The following NKAIN3 variants were observed in gnomAD, a reference collection of about 807,000 sequenced individuals.
NKAIN3 encodes sodium/potassium-transporting ATPase subunit beta-1-interacting protein 3.
In NKAIN3, 25 loss-of-function variants were observed where a neutral mutation model predicts 30.2. That is an observed-to-expected ratio of 0.83 (90% confidence interval 0.60 to 1.16). The LOEUF is 1.16. NKAIN3 is among the 50% of genes most tolerant of loss of function. The pLI is 0.00. For synonymous variants in NKAIN3, 91 were observed against 89.6 expected (o/e 1.02, Z -0.09); for missense variants, 225 against 254.1 (o/e 0.89, Z 0.78).
At chr8:62,829,540 T>C (rs1365040472) in intron 4 of NKAIN3, among the ~76,000 whole-genome samples, 1 of 152,048 alleles carries the variant, frequency 6.6e-6, no homozygotes, top group African/African-American at 2.4e-5. Context: ...AAGGATAAAT[T>C]CTAAATGGGC....
intron 3 of NKAIN3, among the ~76,000 whole-genome samples, chr8:62,649,300 G>A (rs1418080010): frequency 6.6e-6 from 1 of 152,120 alleles, no homozygotes; most frequent in Non-Finnish European, 1.5e-5. Flanking sequence ...TGGGTTGAGT[G>A]AATTCCACCC....
At chr8:62,620,487 C>A (rs1429534907) in intron 3 of NKAIN3, among the ~76,000 whole-genome samples, 1 of 152,028 alleles carries the variant, frequency 6.6e-6, no homozygotes, top group Non-Finnish European at 1.5e-5. Context: ...AGTATATTAG[C>A]AATTTCCTCA....
chr8:62,551,821 A>T (rs544884725), intron 1 of NKAIN3, among the ~76,000 whole-genome samples: 1 of 152,194 alleles, frequency 6.6e-6, no homozygotes, highest in African/African-American at 2.4e-5. Flanking sequence ...TATCAGAGAT[A>T]TTTCTGGCCA....
intron 4 of NKAIN3, among the ~76,000 whole-genome samples, chr8:62,826,065 G>A (rs1276032459): frequency 1.3e-5 from 2 of 152,176 alleles, no homozygotes; most frequent in Admixed American, 6.5e-5. Flanking sequence ...CCTAATCATC[G>A]AGTCACGTAC....
chr8:62,856,847 A>C, intron 4 of NKAIN3: 1 of 603,826 alleles, frequency 1.7e-6, no homozygotes, highest in Non-Finnish European at 3.1e-6. Flanking sequence ...AAGAGATCTC[A>C]AACACTGTTT....
chr8:62,463,601 G>T (rs1400469652), intron 1 of NKAIN3, among the ~76,000 whole-genome samples: 1 of 152,066 alleles, frequency 6.6e-6, no homozygotes, highest in Non-Finnish European at 1.5e-5. Flanking sequence ...CTGAATCTTT[G>T]TCCCTAAATG....
At chr8:62,472,419 C>T (rs1806382148) in intron 1 of NKAIN3, among the ~76,000 whole-genome samples, 1 of 152,056 alleles carries the variant, frequency 6.6e-6, no homozygotes, top group Non-Finnish European at 1.5e-5. Context: ...TTATTTATCT[C>T]AAAACAAGGG....
chr8:62,700,011 TC>T (rs1814282540), intron 3 of NKAIN3, among the ~76,000 whole-genome samples: 1 of 152,130 alleles, frequency 6.6e-6, no homozygotes, highest in Non-Finnish European at 1.5e-5. Context: ...ATGCCTGTAG[TC>T]CCAGCTACTG....
chr8:62,908,687 C>T (rs1030997273), intron 4 of NKAIN3, among the ~76,000 whole-genome samples: 27 of 152,148 alleles, frequency 1.8e-4, no homozygotes, highest in Non-Finnish European at 4.0e-4. Flanking sequence ...ATGACTTTTC[C>T]CCACCTTTGC....
At chr8:62,902,678 G>A (rs1386848455) in intron 4 of NKAIN3, among the ~76,000 whole-genome samples, 4 of 152,138 alleles carry the variant, frequency 2.6e-5, no homozygotes, top group African/African-American at 2.4e-5. Context: ...ATTGTAAACG[G>A]GTAAATATTA....
At chr8:62,552,973 G>A (rs1319864631) in intron 1 of NKAIN3, among the ~76,000 whole-genome samples, 1 of 152,124 alleles carries the variant, frequency 6.6e-6, no homozygotes, top group Non-Finnish European at 1.5e-5. Flanking sequence ...AACAGATGGT[G>A]GTAGTTGTGG....
chr8:62,885,195 A>G (rs774485089), intron 4 of NKAIN3, among the ~76,000 whole-genome samples: 1 of 152,038 alleles, frequency 6.6e-6, no homozygotes, highest in South Asian at 2.1e-4. Context: ...ATTTTCATTT[A>G]GTTTGAAATA....
At chr8:62,434,330 T>C (rs139352228) in intron 1 of NKAIN3, among the ~76,000 whole-genome samples, 146 of 152,208 alleles carry the variant, frequency 9.6e-4, no homozygotes, top group African/African-American at 3.4e-3. Flanking sequence ...TCAACAGTTA[T>C]GAGGAGCTTA....
intron 1 of NKAIN3, among the ~76,000 whole-genome samples, chr8:62,346,790 T>A (rs1816020982): frequency 6.6e-6 from 1 of 152,116 alleles, no homozygotes. Context: ...TTAGATTGAA[T>A]TTTCTGAGAT....
chr8:62,722,018 T>C (rs1563531649), intron 3 of NKAIN3, among the ~76,000 whole-genome samples: 1 of 152,178 alleles, frequency 6.6e-6, no homozygotes, highest in South Asian at 2.1e-4. Context: ...TGGATAAGAA[T>C]ATTTGTATTC....
At chr8:62,328,718 C>G (rs1423492431) in intron 1 of NKAIN3, among the ~76,000 whole-genome samples, 2 of 152,052 alleles carry the variant, frequency 1.3e-5, no homozygotes, top group Non-Finnish European at 2.9e-5. Flanking sequence ...CAGAACTTTG[C>G]ATAAATGTGT....
chr8:62,893,679 C>A (rs968511889), intron 4 of NKAIN3, among the ~76,000 whole-genome samples: 5 of 150,692 alleles, frequency 3.3e-5, no homozygotes, highest in Non-Finnish European at 5.9e-5. Context: ...CACATATGCA[C>A]ATATGCACAT....
intron 4 of NKAIN3, among the ~76,000 whole-genome samples, chr8:62,801,682 A>G (rs1000042693): frequency 6.6e-6 from 1 of 152,240 alleles, no homozygotes; most frequent in Admixed American, 6.5e-5. Flanking sequence ...AACAGAGCAG[A>G]AAAACTGGGA....
intron 3 of NKAIN3, among the ~76,000 whole-genome samples, chr8:62,596,329 C>G (rs1810833782): frequency 6.6e-6 from 1 of 151,992 alleles, no homozygotes; most frequent in African/African-American, 2.4e-5. Flanking sequence ...AGGGTCCTGC[C>G]TTGCAGCTCT....
Sources: gnomAD v4.1 joint callset for allele counts (sites outside exome capture counted in the v4.1 genomes callset) on GRCh38, gnomAD v4.1.1 for gene constraint, MANE v1.5 for transcripts, NCBI Gene and HGNC (gene_info 2026-07-23, HGNC 2026-07-21) for gene names.